Variants in NCOA1 observed in about 807,000 individuals in gnomAD.
NCOA1 encodes the protein Hin-2 protein.
Under a neutral mutation model 150.9 loss-of-function variants are expected in NCOA1, and 35 were observed. The observed-to-expected ratio is 0.23, with a 90% CI of 0.18 to 0.31. NCOA1 has a LOEUF of 0.31. Among genes scored for constraint, NCOA1 ranks in the 10% least tolerant of loss-of-function variants. The pLI, the probability that NCOA1 is intolerant of heterozygous loss-of-function variation, is 1.00. For synonymous variants in NCOA1, 590 were observed against 630.0 expected (o/e 0.94, Z 0.95); for missense variants, 1,491 against 1,749.3 (o/e 0.85, Z 2.63).
chr2:24,516,003 T>G (rs570373813), intron 1 of NCOA1, among the ~76,000 whole-genome samples: 1 of 152,110 alleles, frequency 6.6e-6, no homozygotes, highest in Non-Finnish European at 1.5e-5. Context: ...TCAGAAGCTC[T>G]TACTAAGGAA....
chr2:24,560,517 T>A (rs1276606358), intron 1 of NCOA1, among the ~76,000 whole-genome samples: 1 of 152,158 alleles, frequency 6.6e-6, no homozygotes, highest in Non-Finnish European at 1.5e-5. Context: ...CTTAGAGTGC[T>A]TGACAATTTA....
At chr2:24,680,384 A>T (rs1022912143) in intron 7 of NCOA1, among the ~76,000 whole-genome samples, 2 of 152,206 alleles carry the variant, frequency 1.3e-5, no homozygotes, top group African/African-American at 4.8e-5. Context: ...CACAGAGCGG[A>T]ATACTATTCA....
intron 2 of NCOA1, among the ~76,000 whole-genome samples, chr2:24,579,827 A>G (rs1416524887): frequency 6.6e-6 from 1 of 152,214 alleles, no homozygotes; most frequent in East Asian, 1.9e-4. Context: ...ATAAGATTGA[A>G]AACAAGCTTC....
intron 3 of NCOA1, among the ~76,000 whole-genome samples, chr2:24,642,683 A>C (rs753627715): frequency 7.2e-5 from 11 of 152,244 alleles, no homozygotes; most frequent in Non-Finnish European, 1.5e-4. Flanking sequence ...AGAAATATTC[A>C]TAGCAGCTTT....
intron 1 of NCOA1, among the ~76,000 whole-genome samples, chr2:24,543,076 T>C (rs1363344015): frequency 6.6e-6 from 1 of 152,180 alleles, no homozygotes; most frequent in Admixed American, 6.5e-5. Flanking sequence ...CTGAGACTGG[T>C]AATTCATAAA....
chr2:24,494,349 C>T (rs560054397), intron 1 of NCOA1, among the ~76,000 whole-genome samples: 1 of 152,142 alleles, frequency 6.6e-6, no homozygotes, highest in Admixed American at 6.5e-5. Flanking sequence ...TACCTCTGTT[C>T]CGTACTTTAG....
chr2:24,576,302 T>C (rs1666985168), intron 2 of NCOA1, among the ~76,000 whole-genome samples: 1 of 151,918 alleles, frequency 6.6e-6, no homozygotes, highest in Non-Finnish European at 1.5e-5. Flanking sequence ...GCACTGTCTC[T>C]GTATGTAGTT....
chr2:24,535,246 G>A lies in NCOA1; in HGVS notation c.-395-29049G>A, dbSNP rs377579348. Among the ~76,000 whole-genome samples, 371 of 152,102 alleles carry A rather than the reference G, an allele frequency of 2.4e-3. 9 individuals are homozygous for A. The South Asian group carries it at 0.058, about 24-fold the overall frequency. On this transcript the variant is annotated intron_variant, in intron 1 of 22. Coordinates refer to ENST00000348332, the MANE Select transcript of NCOA1 (RefSeq NM_003743.5). ...TTTGATCTTTGTTGGTTTAAAGTCT[G>A]TTTTATCAGAGACTAGGATTGCAAC...
At chr2:24,696,673 C>T (rs906460367) in intron 10 of NCOA1, among the ~76,000 whole-genome samples, 5 of 152,060 alleles carry the variant, frequency 3.3e-5, no homozygotes, top group African/African-American at 1.2e-4. Flanking sequence ...ATGCATGTAC[C>T]ATGCAACACG....
chr2:24,740,229 G>A (rs1572667138), intron 18 of NCOA1, among the ~76,000 whole-genome samples: 1 of 152,142 alleles, frequency 6.6e-6, no homozygotes, highest in South Asian at 2.1e-4. Context: ...AATAAAGCCA[G>A]CACCTGTATT....
In NCOA1 at chr2:24,665,762, C is replaced by A; in HGVS notation, c.103C>A (p.Arg35Ser). 2 of 1,569,890 alleles carry A rather than the reference C, an allele frequency of 1.3e-6. No individual in the cohort carries two copies. The highest frequency in any genetic ancestry group is 1.7e-6 in the Non-Finnish European group (2 of 1,155,718). Reference protein sequence around the residue: ...DTLASSTEKRRREQENKYLEE... With the variant: ...DTLASSTEKRSREQENKYLEE... ...TTTGTGTAACAGCACGGAAAAGAGG[C>A]GCAGGGAGCAAGAAAATAAATATTT... The change falls in exon 6 of 23, where the codon CGC becomes AGC. Residue 35 changes from arginine (R) to serine (S), a missense_variant. Physicochemically the swap from Arg to Ser is moderately radical, Grantham distance 110. Around this residue, in one of 8 missense-constraint regions of NCOA1, gnomAD observed 80 missense variants for 163.0 expected, o/e 0.49. Coordinates refer to ENST00000348332, the MANE Select transcript of NCOA1 (RefSeq NM_003743.5).
chr2:24,550,499 C>T (rs1665781526), intron 1 of NCOA1, among the ~76,000 whole-genome samples: 1 of 152,134 alleles, frequency 6.6e-6, no homozygotes, highest in Admixed American at 6.5e-5. Context: ...CCTTATGAAA[C>T]CATCAGATCT....
intron 3 of NCOA1, among the ~76,000 whole-genome samples, chr2:24,624,948 G>A (rs907390487): frequency 6.6e-6 from 1 of 152,150 alleles, no homozygotes; most frequent in Non-Finnish European, 1.5e-5. Flanking sequence ...CCATACGGGA[G>A]CTACTGGACT....
rs905631499 is a variant in NCOA1 at position 24,602,040 on chromosome 2, T to C, written c.-175+17480T>C. On this transcript the variant is annotated intron_variant, in intron 3 of 22. Coordinates refer to ENST00000348332, the MANE Select transcript of NCOA1 (RefSeq NM_003743.5). ...ATGCCTTCACCGTTTAATTTTTTCT[T>C]GTTACTTCTTCTGTCGTTTCAAAAA... Among the ~76,000 whole-genome samples the C allele has an allele frequency of 3.9e-5, 6 of 152,216 alleles. No homozygotes were observed. The East Asian group carries it at 9.6e-4, about 24-fold the overall frequency.
intron 7 of NCOA1, among the ~76,000 whole-genome samples, chr2:24,681,730 G>T: frequency 6.8e-6 from 1 of 147,856 alleles, no homozygotes; most frequent in Admixed American, 6.8e-5. Flanking sequence ...TTTTTGAGAC[G>T]GAGTCTTGGA....
At chr2:24,665,678 A>G in intron 5 of NCOA1, 71 bp from the exon 6 acceptor site, 1 of 1,190,530 alleles carries the variant, frequency 8.4e-7, no homozygotes, top group Non-Finnish European at 1.1e-6. Context: ...ATGTGTAAGC[A>G]TAGATACTTG....
intron 11 of NCOA1, among the ~76,000 whole-genome samples, chr2:24,700,250 G>A (rs2148579994): frequency 6.6e-6 from 1 of 151,856 alleles, no homozygotes; most frequent in South Asian, 2.1e-4. Context: ...TGCATTTGCA[G>A]TTTTCTTGCT....
intron 8 of NCOA1, among the ~76,000 whole-genome samples, chr2:24,688,629 C>T (rs938695497): frequency 3.3e-5 from 5 of 151,982 alleles, no homozygotes; most frequent in African/African-American, 1.2e-4. Context: ...GTTTAAGTTC[C>T]TTATGAATAC....
intron 6 of NCOA1, among the ~76,000 whole-genome samples, chr2:24,667,453 G>A (rs938092800): frequency 6.6e-6 from 1 of 152,084 alleles, no homozygotes; most frequent in Non-Finnish European, 1.5e-5. Flanking sequence ...TTGGGGGAAA[G>A]CCTGTAATAT....
Sources: allele counts gnomAD v4.1 joint callset (sites outside exome capture counted in the v4.1 genomes callset), GRCh38; gene constraint gnomAD v4.1.1; regional missense constraint gnomAD v4.1.1; transcripts MANE v1.5; gene names NCBI Gene and HGNC (gene_info 2026-07-23, HGNC 2026-07-21).